PARD3B: variants seen among roughly 807,000 people sequenced by gnomAD.
The protein encoded by PARD3B is partitioning defective 3 homolog B.
In PARD3B, 103 loss-of-function variants were observed where a neutral mutation model predicts 130.2. That is an observed-to-expected ratio of 0.79 (90% CI 0.67 to 0.93). The LOEUF (loss-of-function observed/expected upper bound fraction) is 0.93, where lower values mean the gene tolerates loss of function less well. Ranked by LOEUF, PARD3B falls within the 40% of genes least tolerant of loss-of-function variation. PARD3B has a pLI of 0.00. For synonymous variants in PARD3B, 583 were observed against 553.2 expected, an observed-to-expected ratio of 1.05 and a Z score of -0.76; for missense variants, 1,609 against 1,499.2, an observed-to-expected ratio of 1.07 and a Z score of -1.21.
chr2:205,393,680 C>G (rs1181278016), intron 18 of PARD3B, among the ~76,000 whole-genome samples: 1 of 152,110 alleles, frequency 6.6e-6, no homozygotes, highest in Non-Finnish European at 1.5e-5. Context: ...AGTGTGTGCA[C>G]TAAGAGGATG....
intron 2 of PARD3B, among the ~76,000 whole-genome samples, chr2:204,840,334 T>C (rs1409064938): frequency 6.6e-6 from 1 of 152,104 alleles, no homozygotes; most frequent in Non-Finnish European, 1.5e-5. Flanking sequence ...AATGAAAAAT[T>C]CTACTCCAAA....
At chr2:205,612,566 A>G (rs1409296251) in intron 22 of PARD3B, among the ~76,000 whole-genome samples, 1 of 152,244 alleles carries the variant, frequency 6.6e-6, no homozygotes, top group East Asian at 1.9e-4. Context: ...AACAACAGCT[A>G]CACACCATCC....
In PARD3B at chr2:204,659,108, A is replaced by C. The variant is rs181224586; in HGVS notation, c.121-27073A>C. Among the ~76,000 whole-genome samples the C allele has an allele frequency of 2.9e-3, 447 of 152,270 alleles. 1 individual carries two copies. Among genetic ancestry groups the C allele is most frequent in the African/African-American group, 9.5e-3 (396 of 41,560 alleles). On this transcript the variant is annotated intron_variant, in intron 1 of 22. Coordinates refer to ENST00000406610, the MANE Select transcript of PARD3B (RefSeq NM_001302769.2). Reference sequence around the variant, plus strand: ...GATCTCAGAAAATGCTAACTCCTCAATTTGCATTCTTAGATGTGTTACTGC... The same window carrying C: ...GATCTCAGAAAATGCTAACTCCTCACTTTGCATTCTTAGATGTGTTACTGC...
intron 4 of PARD3B, among the ~76,000 whole-genome samples, chr2:205,079,347 G>A (rs1348654416): frequency 2.0e-5 from 3 of 152,228 alleles, no homozygotes; most frequent in East Asian, 1.9e-4. Context: ...ACAGAAATTC[G>A]TTTCTCACAT....
At chr2:205,527,277 T>A (rs2051378763) in intron 21 of PARD3B, among the ~76,000 whole-genome samples, 1 of 152,140 alleles carries the variant, frequency 6.6e-6, no homozygotes, top group Non-Finnish European at 1.5e-5. Flanking sequence ...ACAAATCTTG[T>A]CAGTACAACC....
At chr2:204,695,813 C>G (rs527480475) in intron 2 of PARD3B, among the ~76,000 whole-genome samples, 1 of 152,012 alleles carries the variant, frequency 6.6e-6, no homozygotes, top group South Asian at 2.1e-4. Context: ...ATGGTTATGT[C>G]AAAAGGCCAC....
chr2:205,326,522 G>T (rs562276540), intron 18 of PARD3B, among the ~76,000 whole-genome samples: 24 of 152,266 alleles, frequency 1.6e-4, no homozygotes, highest in African/African-American at 5.5e-4. Flanking sequence ...CTATGAGCTA[G>T]AACGAAGGAG....
intron 2 of PARD3B, among the ~76,000 whole-genome samples, chr2:204,765,379 T>A (rs2041100748): frequency 6.6e-6 from 1 of 152,186 alleles, no homozygotes; most frequent in South Asian, 2.1e-4. Flanking sequence ...CTGCTGAATC[T>A]TCTTGCTGCA....
rs369455933 is a variant in PARD3B at position 205,047,681 on chromosome 2, G to T, written c.495G>T (p.Leu165=). The change falls in exon 4 of 23, where the codon CTG becomes CTT. Residue 165 remains leucine (L), a synonymous_variant. Coordinates refer to ENST00000406610, the MANE Select transcript of PARD3B (RefSeq NM_001302769.2). ...ACCCTGGTGGCCAGAGTCTGAAACT[G>T]GTTGTTCCAGTAGGTATCCTGCTGC... The part of the protein sequence containing the change: ...ASHPGGQSLK[L]VVPDSTQNLE... 1.3e-6 allele frequency: 2 copies of T among 1,540,320 alleles called. No homozygotes were observed. The highest frequency in any genetic ancestry group is 2.5e-5 in the East Asian group (1 of 40,816).
chr2:205,567,886 TG>T (rs752024131), intron 22 of PARD3B, among the ~76,000 whole-genome samples: 4 of 152,042 alleles, frequency 2.6e-5, no homozygotes, highest in Non-Finnish European at 5.9e-5. Flanking sequence ...AGATTACCAC[TG>T]CAGGCAAGAG....
intron 2 of PARD3B, among the ~76,000 whole-genome samples, chr2:204,931,665 A>C (rs1332209233): frequency 2.6e-5 from 4 of 151,928 alleles, no homozygotes; most frequent in East Asian, 3.9e-4. Flanking sequence ...CATTCTTTTA[A>C]GATCTTTAAA....
chr2:205,388,109 C>T (rs1021729500), intron 18 of PARD3B, among the ~76,000 whole-genome samples: 1 of 152,084 alleles, frequency 6.6e-6, no homozygotes, highest in Non-Finnish European at 1.5e-5. Flanking sequence ...CACCAGAGAC[C>T]CCATCTGGAA....
intron 10 of PARD3B, among the ~76,000 whole-genome samples, chr2:205,145,934 C>T (rs1179453648): frequency 6.6e-6 from 1 of 151,922 alleles, no homozygotes; most frequent in African/African-American, 2.4e-5. Flanking sequence ...TGGATTGATC[C>T]AAGTTTTAGA....
intron 20 of PARD3B, among the ~76,000 whole-genome samples, chr2:205,442,499 C>T (rs1017592146): frequency 1.3e-5 from 2 of 152,042 alleles, no homozygotes; most frequent in Admixed American, 6.6e-5. Context: ...GACAGGGTTT[C>T]ACTGTCTTAA....
intron 4 of PARD3B, among the ~76,000 whole-genome samples, chr2:205,083,946 C>T (rs946097081): frequency 2.6e-5 from 4 of 152,098 alleles, no homozygotes; most frequent in African/African-American, 9.7e-5. Flanking sequence ...CCCAACATCA[C>T]GACATTTATA....
intron 15 of PARD3B, among the ~76,000 whole-genome samples, chr2:205,224,556 A>T (rs1574439289): frequency 1.6e-5 from 1 of 64,060 alleles, no homozygotes; most frequent in Admixed American, 2.1e-4. Context: ...CCCGCCCCCA[A>T]CCCCCCAGCA....
At chr2:204,863,319 T>C (rs1259880019) in intron 2 of PARD3B, among the ~76,000 whole-genome samples, 1 of 152,156 alleles carries the variant, frequency 6.6e-6, no homozygotes, top group Non-Finnish European at 1.5e-5. Flanking sequence ...CATCCTCCAC[T>C]GGAGCGCCAT....
At chr2:205,483,497 A>G (rs1363716087) in intron 20 of PARD3B, among the ~76,000 whole-genome samples, 1 of 152,220 alleles carries the variant, frequency 6.6e-6, no homozygotes, top group Non-Finnish European at 1.5e-5. Flanking sequence ...CTAATACTGA[A>G]TTAATGTTAT....
At chr2:204,854,211 G>A (rs2044827292) in intron 2 of PARD3B, among the ~76,000 whole-genome samples, 1 of 152,104 alleles carries the variant, frequency 6.6e-6, no homozygotes, top group Admixed American at 6.6e-5. Flanking sequence ...AAACAGAAGA[G>A]TAAATTGGAA....
Sources: gnomAD v4.1 joint callset for allele counts (sites outside exome capture counted in the v4.1 genomes callset) on GRCh38, gnomAD v4.1.1 for gene constraint, MANE v1.5 for transcripts, NCBI Gene and HGNC (gene_info 2026-07-23, HGNC 2026-07-21) for gene names.